Variants in ADH1C observed in about 807,000 individuals in gnomAD.
ADH1C encodes alcohol dehydrogenase 1C (class I), gamma polypeptide, also known as alcohol dehydrogenase 1C.
A neutral mutation model predicts 35.0 loss-of-function variants in ADH1C; 26 were observed. The ratio of observed to expected loss-of-function variants is 0.74; its 90% CI spans 0.54 to 1.03. The LOEUF is 1.03. Among genes scored for constraint, ADH1C ranks in the 50% least tolerant of loss-of-function variants. The pLI, the probability that ADH1C is intolerant of heterozygous loss-of-function variation, is 0.00. For synonymous variants in ADH1C, 170 were observed against 169.3 expected (o/e 1.00, Z -0.03); for missense variants, 413 against 465.4 (o/e 0.89, Z 1.04).
intron 5 of ADH1C, among the ~76,000 whole-genome samples, chr4:99,344,228 C>A (rs770304411): frequency 6.6e-6 from 1 of 152,102 alleles, no homozygotes; most frequent in Admixed American, 6.5e-5. Flanking sequence ...AGATGAGGAG[C>A]CTTTAAAGAA....
Position 99,344,953 on chromosome 4 carries a change from G to A in ADH1C, c.476C>T (p.Ala159Val). Residue 159 changes from alanine (A) to valine (V), a missense_variant, in exon 5 of 9, where the codon GCC (alanine) becomes GTC (valine). Ala to Val is a moderately conservative substitution (Grantham distance 64). Transcript: ENST00000515683. ...CAGGGGCGAGGCTGCATCAATTTTG[G>A]CCACTGCATTCTCATCCACCACTGT... ...QYTVVDENAV[A>V]KIDAASPLEK... 1 of 1,614,140 alleles carries A rather than the reference G, an allele frequency of 6.2e-7. No homozygotes were observed. Among genetic ancestry groups the A allele is most frequent in the Non-Finnish European group, 8.5e-7 (1 of 1,180,036 alleles).
intron 1 of ADH1C, among the ~76,000 whole-genome samples, chr4:99,352,122 G>C (rs1734691365): frequency 6.6e-6 from 1 of 152,168 alleles, no homozygotes; most frequent in South Asian, 2.1e-4. Context: ...AATGCTGTGA[G>C]ATCAATGAGT....
At chr4:99,351,828 A>G (rs970888372) in intron 1 of ADH1C, among the ~76,000 whole-genome samples, 1 of 152,268 alleles carries the variant, frequency 6.6e-6, no homozygotes, top group Admixed American at 6.5e-5. Flanking sequence ...TTAGGCAATT[A>G]ATAATATCAA....
intron 1 of ADH1C, among the ~76,000 whole-genome samples, chr4:99,350,248 C>T (rs918812883): frequency 3.9e-5 from 6 of 151,994 alleles, no homozygotes; most frequent in Non-Finnish European, 8.8e-5. Flanking sequence ...GAGTTACATG[C>T]ATTATTTTTA....
chr4:99,340,658 C>T lies in ADH1C; in HGVS notation c.881G>A (p.Gly294Glu). Residue 294 changes from glycine (G) to glutamate (E), a missense_variant, in exon 7 of 9, where the codon GGG becomes GAG. Physicochemically the swap from Gly to Glu is moderately conservative, Grantham distance 98. Transcript: ENST00000515683. Reference sequence around the variant, plus strand: ...GAGGTTCTGGGAATCAGGAGGTACCCCTACAATGACACTTGTGCCACATGC... The same window carrying T: ...GAGGTTCTGGGAATCAGGAGGTACCTCTACAATGACACTTGTGCCACATGC... ...HEACGTSVIV[G>E]VPPDSQNLSI... 1.2e-6 allele frequency: 2 copies of T among 1,613,232 alleles called. No homozygotes were observed. Among genetic ancestry groups the T allele is most frequent in the Middle Eastern group, 1.9e-4 (1 of 5,384 alleles).
chr4:99,347,022 C>T lies in ADH1C; in HGVS notation c.243G>A (p.Val81=). The T allele has an allele frequency of 9.3e-6, 15 of 1,613,996 alleles. No individual in the cohort carries two copies. The highest frequency in any genetic ancestry group is 1.2e-5 in the Non-Finnish European group (14 of 1,179,944). The change falls in exon 3 of 9, where the codon GTG becomes GTA. Residue 81 remains valine, a synonymous_variant. Transcript: ENST00000515683. ...ATCCTGTACCTGGTTTGACTGTAGT[C>T]ACCCCTTCTCCAACACTTTCCACGA... The part of the protein sequence containing the change: ...AGIVESVGEG[V]TTVKPGDKVI...
chr4:99,346,302 T>C (rs893167239), intron 3 of ADH1C, among the ~76,000 whole-genome samples: 3 of 152,120 alleles, frequency 2.0e-5, no homozygotes, highest in Admixed American at 1.3e-4. Context: ...GTAATATTTA[T>C]ATTAATACAT....
intron 6 of ADH1C, among the ~76,000 whole-genome samples, 153 bp downstream of exon 6, chr4:99,342,642 C>T (rs1260688827): frequency 6.6e-6 from 1 of 152,082 alleles, no homozygotes; most frequent in Non-Finnish European, 1.5e-5. Flanking sequence ...CTTCTCATAA[C>T]AATAAATTAA....
intron 3 of ADH1C, 118 bp from the exon 4 acceptor site, chr4:99,345,384 G>T (rs1380265811): frequency 1.8e-6 from 2 of 1,085,288 alleles, no homozygotes; most frequent in Non-Finnish European, 2.6e-6. Flanking sequence ...TAAGAAATAG[G>T]GTCTAGTCAC....
In ADH1C at chr4:99,336,926, C is replaced by G. The variant is rs1423231932; in HGVS notation, c.1104-150G>C. ...CCATCCCTATGCATTTGGGTCAAGT[C>G]AAGTGAAGGGAAGTTCATGTTTTTT... On this transcript the variant is annotated intron_variant, in intron 8 of 8. Transcript: ENST00000515683. 3 of 1,111,670 alleles carry G rather than the reference C, an allele frequency of 2.7e-6. No homozygotes were observed. The East Asian group carries it at 7.7e-5, about 28-fold the overall frequency. 68.9% of individuals were successfully genotyped at this position (1,111,670 alleles called of 1,614,324 possible).
intron 3 of ADH1C, among the ~76,000 whole-genome samples, chr4:99,345,957 C>T (rs1415128622): frequency 6.6e-6 from 1 of 152,062 alleles, no homozygotes; most frequent in Admixed American, 6.6e-5. Context: ...TGTGAATTAT[C>T]TATTTTTACT....
intron 8 of ADH1C, among the ~76,000 whole-genome samples, chr4:99,338,767 C>G (rs1222462007): frequency 3.4e-5 from 5 of 149,196 alleles, no homozygotes; most frequent in African/African-American, 1.2e-4. Context: ...CAAAGAAACA[C>G]TATTTGAAGT....
At chr4:99,351,439 G>A (rs1734677489) in intron 1 of ADH1C, among the ~76,000 whole-genome samples, 1 of 152,170 alleles carries the variant, frequency 6.6e-6, no homozygotes, top group African/African-American at 2.4e-5. Flanking sequence ...CTCAAGAGGG[G>A]AGGATTATCT....
rs1177587007 is a variant in ADH1C, at chr4:99,342,883, T to C, written c.740A>G (p.Tyr247Cys). ...GATECINPQD[Y>C]KKPIQEVLKE... ...TAGCACTTCCTGAATGGGTTTCTTG[T>C]AGTCTTGAGGGTTGATGCATTCAGT... Residue 247 changes from tyrosine to cysteine, a missense_variant, in exon 6 of 9, where the codon TAC (tyrosine) becomes TGC (cysteine). Transcript: ENST00000515683. The C allele has an allele frequency of 1.9e-6, 3 of 1,614,068 alleles. No individual in the cohort carries two copies. The highest frequency in any genetic ancestry group is 2.2e-5 in the South Asian group (2 of 91,072).
At position 99,344,919 on chromosome 4, in the gene ADH1C, G is replaced by A; in HGVS notation, c.510C>T (p.Val170=). 6.2e-7 allele frequency: 1 copy of A among 1,614,218 alleles called. No individual in the cohort carries two copies. Among genetic ancestry groups the A allele is most frequent in the Non-Finnish European group, 8.5e-7 (1 of 1,180,040 alleles). ...KIDAASPLEK[V]CLIGCGFSTG... ...TCGAAAATCCACAGCCAATGAGGCA[G>A]ACTTTCTCCAGGGGCGAGGCTGCAT... Residue 170 remains valine (V), a synonymous_variant, in exon 5 of 9, where the codon GTC becomes GTT. Coordinates refer to ENST00000515683, the MANE Select transcript of ADH1C (RefSeq NM_000669.5).
intron 1 of ADH1C, among the ~76,000 whole-genome samples, chr4:99,349,334 C>T (rs1292120354): frequency 2.0e-5 from 3 of 151,784 alleles, no homozygotes; most frequent in African/African-American, 7.3e-5. Flanking sequence ...CCAGTTTCAG[C>T]TTTCTACATA....
In ADH1C at chr4:99,340,558, G is replaced by C; in HGVS notation, c.964+17C>G. On this transcript the variant is annotated intron_variant, in intron 7 of 8. Coordinates refer to ENST00000515683, the MANE Select transcript of ADH1C (RefSeq NM_000669.5). ...CTTAGGTTAATGAGAATTTGGCTCT[G>C]AAGCCTAACTACATACCTCCAAAAA... The C allele has an allele frequency of 1.2e-6, 2 of 1,613,672 alleles. No individual in the cohort carries two copies. Among genetic ancestry groups the C allele is most frequent in the Non-Finnish European group, 1.7e-6 (2 of 1,179,796 alleles).
intron 8 of ADH1C, among the ~76,000 whole-genome samples, chr4:99,337,508 A>G (rs1309203705): frequency 1.3e-5 from 2 of 152,148 alleles, no homozygotes; most frequent in African/African-American, 4.8e-5. Context: ...TTTACACTAG[A>G]ATTAATGCCT....
chr4:99,350,885 C>G (rs1734659860), intron 1 of ADH1C: 1 of 152,206 alleles, frequency 6.6e-6, no homozygotes, highest in Admixed American at 6.5e-5. Context: ...TCCCTTTAAT[C>G]CCAGCACTTT....
Sources: allele counts gnomAD v4.1 joint callset (sites outside exome capture counted in the v4.1 genomes callset), GRCh38; gene constraint gnomAD v4.1.1; transcripts MANE v1.5; gene names NCBI Gene and HGNC (gene_info 2026-07-23, HGNC 2026-07-21).